SLC35F3: variants seen among roughly 807,000 people sequenced by gnomAD.
SLC35F3 encodes the protein solute carrier family 35 member F3.
In SLC35F3, 25 loss-of-function variants were observed where a neutral mutation model predicts 49.9. The ratio of observed to expected loss-of-function variants is 0.50; its 90% CI spans 0.37 to 0.70. The LOEUF (loss-of-function observed/expected upper bound fraction) is 0.70, where lower values mean the gene tolerates loss of function less well. SLC35F3 is among the 30% of genes least tolerant of loss of function. The pLI is 0.00. For missense variants in SLC35F3, 525 were observed against 639.8 expected, an observed-to-expected ratio of 0.82 and a Z score of 1.94; for synonymous variants, 275 against 265.4, an observed-to-expected ratio of 1.04 and a Z score of -0.35.
chr1:234,225,634 A>T (rs1572103009), intron 2 of SLC35F3, among the ~76,000 whole-genome samples: 1 of 152,242 alleles, frequency 6.6e-6, no homozygotes, highest in East Asian at 1.9e-4. Context: ...CTTGTACCGC[A>T]AAGTAGGTGG....
intron 2 of SLC35F3, among the ~76,000 whole-genome samples, chr1:234,082,487 C>A (rs1014749620): frequency 6.6e-6 from 1 of 152,168 alleles, no homozygotes; most frequent in African/African-American, 2.4e-5. Context: ...CCCAAAGTTG[C>A]TGCCTTGTCA....
In SLC35F3 at chr1:233,904,838, C is replaced by G. The variant is rs1453427794; in HGVS notation, c.-240C>G. 4.9e-6 allele frequency: 1 copy of G among 205,586 alleles called. No homozygotes were observed. Among genetic ancestry groups the G allele is most frequent in the Non-Finnish European group, 9.6e-6 (1 of 104,682 alleles). 12.7% of individuals were successfully genotyped at this position (205,586 alleles called of 1,614,324 possible). A position where few individuals can be genotyped will look rare whatever the true frequency, so the allele number is the denominator to read the frequency against. On this transcript the variant is annotated 5_prime_UTR_variant, in exon 1 of 8. Transcript: ENST00000366618. ...GGCTGCCGGGTCGTTGCGGCGAGCG[C>G]GCGGGCCGGCCTGGAGTCACCGGGC...
chr1:234,148,735 G>A (rs1335075876), intron 2 of SLC35F3, among the ~76,000 whole-genome samples: 1 of 152,224 alleles, frequency 6.6e-6, no homozygotes, highest in Non-Finnish European at 1.5e-5. Context: ...AATTATCTAA[G>A]CAGGTGATTT....
intron 3 of SLC35F3, among the ~76,000 whole-genome samples, chr1:234,249,808 C>T (rs1667707517): frequency 6.6e-6 from 1 of 152,240 alleles, no homozygotes; most frequent in African/African-American, 2.4e-5. Context: ...CTCAGACAGA[C>T]CTCTGTGCGT....
intron 2 of SLC35F3, among the ~76,000 whole-genome samples, chr1:234,143,288 C>CTTTTTTTTTTT (rs1352256091): frequency 6.2e-4 from 76 of 123,522 alleles, no homozygotes; most frequent in African/African-American, 1.5e-3. Context: ...CTTTTCTTTT[C>CTTTTTTTTTTT]TTTTTTTTTT....
chr1:234,234,323 T>A (rs1667429449), intron 3 of SLC35F3, among the ~76,000 whole-genome samples: 1 of 152,028 alleles, frequency 6.6e-6, no homozygotes, highest in Non-Finnish European at 1.5e-5. Context: ...GATGGAAGCT[T>A]CTTTTCTCTA....
chr1:234,067,097 A>G (rs776858797), intron 2 of SLC35F3, among the ~76,000 whole-genome samples: 4 of 152,292 alleles, frequency 2.6e-5, no homozygotes, highest in East Asian at 1.9e-4. Flanking sequence ...TATCACCACA[A>G]TCATCATTTG....
rs765445770 is a variant in SLC35F3 at position 234,323,295 on chromosome 1, G to A, written c.*52G>A. ...ATGACTGGGAGGTCTATTCCTGCCGGGAGGAACCTCAGTTGGGTAAGGTGT... is the reference window on the plus strand; with the variant it reads ...ATGACTGGGAGGTCTATTCCTGCCGAGAGGAACCTCAGTTGGGTAAGGTGT... On this transcript the variant is annotated 3_prime_UTR_variant, in exon 8 of 8. Transcript: ENST00000366618. This position sits in a 1 kb window ranked among gnomAD's most constrained non-coding sequence, Gnocchi z 4.5. 1 of 1,525,618 alleles carries A rather than the reference G, an allele frequency of 6.6e-7. No individual in the cohort carries two copies. The highest frequency in any genetic ancestry group is 9.0e-7 in the Non-Finnish European group (1 of 1,116,190). 94.5% of individuals were successfully genotyped at this position (1,525,618 alleles called of 1,614,324 possible).
chr1:234,246,299 C>G (rs1207958144), intron 3 of SLC35F3, among the ~76,000 whole-genome samples: 3 of 152,066 alleles, frequency 2.0e-5, no homozygotes, highest in Non-Finnish European at 4.4e-5. Context: ...TGATTTACCC[C>G]CAAGCTTTTG....
At chr1:234,030,793 T>A (rs1664050834) in intron 2 of SLC35F3, among the ~76,000 whole-genome samples, 1 of 152,196 alleles carries the variant, frequency 6.6e-6, no homozygotes, top group Non-Finnish European at 1.5e-5. Context: ...TATCAATCCA[T>A]AGATTTCTTG....
At chr1:234,233,506 C>T (rs1036528660) in intron 3 of SLC35F3, among the ~76,000 whole-genome samples, 24 of 152,244 alleles carry the variant, frequency 1.6e-4, no homozygotes, top group Non-Finnish European at 2.8e-4. Context: ...AAGACTGTCA[C>T]CACCAGCCAC....
chr1:234,082,997 A>G (rs751679243), intron 2 of SLC35F3, among the ~76,000 whole-genome samples: 2 of 152,164 alleles, frequency 1.3e-5, no homozygotes, highest in Non-Finnish European at 2.9e-5. Flanking sequence ...GAGCTATGCA[A>G]CCTTTGGAAT....
intron 3 of SLC35F3, among the ~76,000 whole-genome samples, chr1:234,292,299 G>A (rs1364797966): frequency 6.6e-6 from 1 of 152,146 alleles, no homozygotes; most frequent in African/African-American, 2.4e-5. Context: ...AGATCAGCAG[G>A]GTCTTGATTC....
chr1:234,295,678 A>C (rs1283449762), intron 3 of SLC35F3, among the ~76,000 whole-genome samples: 1 of 152,222 alleles, frequency 6.6e-6, no homozygotes, highest in African/African-American at 2.4e-5. Flanking sequence ...CTTGTTAAAC[A>C]ATTATTTGAA....
intron 2 of SLC35F3, among the ~76,000 whole-genome samples, chr1:234,121,197 C>T (rs1344051954): frequency 1.5e-5 from 2 of 134,246 alleles, no homozygotes; most frequent in African/African-American, 2.8e-5. Context: ...ACTGCAGTGG[C>T]GCAATCTTGG....
At chr1:234,284,008 C>T (rs376524330) in intron 3 of SLC35F3, among the ~76,000 whole-genome samples, 2 of 152,210 alleles carry the variant, frequency 1.3e-5, no homozygotes, top group East Asian at 1.9e-4. Flanking sequence ...TAGGCTCAAG[C>T]GATCCTTCCT....
At chr1:234,224,919 C>T (rs1360573694) in intron 2 of SLC35F3, among the ~76,000 whole-genome samples, 7 of 152,230 alleles carry the variant, frequency 4.6e-5, no homozygotes, top group Non-Finnish European at 7.3e-5. Flanking sequence ...ATACTATCTC[C>T]TTTTCCTTTA....
chr1:234,024,320 C>A lies in SLC35F3; in HGVS notation c.283+118562C>A, dbSNP rs560399707. Among the ~76,000 whole-genome samples, 11 of 152,090 alleles carry A rather than the reference C, an allele frequency of 7.2e-5. No individual in the cohort carries two copies. In the East Asian group the frequency reaches 1.9e-3, roughly 27 times the overall value. ...AAGTGGTGAGGGAAGATGCTGAGAA[C>A]AGGAGTGGGACCAGGCCAGACAGCC... On this transcript the variant is annotated intron_variant, in intron 2 of 7. Transcript: ENST00000366618.
chr1:234,051,216 A>G (rs1664371431), intron 2 of SLC35F3, among the ~76,000 whole-genome samples: 1 of 152,198 alleles, frequency 6.6e-6, no homozygotes, highest in African/African-American at 2.4e-5. Flanking sequence ...TTGAATCTGT[A>G]AATTACCTTG....
Sources: gnomAD v4.1 joint callset for allele counts (sites outside exome capture counted in the v4.1 genomes callset) on GRCh38, gnomAD v4.1.1 for gene constraint, Gnocchi (gnomAD v3.1) non-coding constraint, MANE v1.5 for transcripts, NCBI Gene and HGNC (gene_info 2026-07-23, HGNC 2026-07-21) for gene names.